The following ARPP21 variants were observed in gnomAD, a reference collection of about 807,000 sequenced individuals.
ARPP21 encodes cAMP-regulated phosphoprotein 21.
A neutral mutation model predicts 113.2 loss-of-function variants in ARPP21; 69 were observed. The ratio of observed to expected loss-of-function variants is 0.61; its 90% CI spans 0.50 to 0.74. The LOEUF (loss-of-function observed/expected upper bound fraction) is 0.74. Ranked by LOEUF, ARPP21 falls within the 30% of genes least tolerant of loss-of-function variation. The pLI, the probability that ARPP21 is intolerant of heterozygous loss-of-function variation, is 0.00. For missense variants in ARPP21, 1,070 were observed against 1,037.4 expected, an observed-to-expected ratio of 1.03 and a Z score of -0.43; for synonymous variants, 368 against 375.5, an observed-to-expected ratio of 0.98 and a Z score of 0.23.
Position 35,715,303 on chromosome 3 carries a change from A to C in ARPP21, c.898-136A>C, listed in dbSNP as rs1346114104. The C allele has an allele frequency of 7.3e-6, 5 of 687,428 alleles. No homozygotes were observed. In the Admixed American group the frequency reaches 1.3e-4, roughly 18 times the overall value. 42.6% of individuals were successfully genotyped at this position (687,428 alleles called of 1,614,324 possible). A position where few individuals can be genotyped will look rare whatever the true frequency, so the allele number is the denominator to read the frequency against. On this transcript the variant is annotated intron_variant, in intron 11 of 20. Transcript: ENST00000684406. ...TCCTAACCAACCTTTTTCCTTTTTT[A>C]TTTCTATCTTTTGTACCTATTTTTC...
intron 19 of ARPP21, among the ~76,000 whole-genome samples, chr3:35,786,940 G>C (rs1047919168): frequency 1.3e-5 from 2 of 152,126 alleles, no homozygotes; most frequent in African/African-American, 4.8e-5. Context: ...CAAGCTGTGT[G>C]TCTGTTTTCT....
chr3:35,653,210 T>C (rs939671493), intron 1 of ARPP21, among the ~76,000 whole-genome samples: 2 of 152,102 alleles, frequency 1.3e-5, no homozygotes, highest in Non-Finnish European at 2.9e-5. Flanking sequence ...TTTTTGGCTG[T>C]AGTCATAGCA....
At chr3:35,708,065 C>T (rs574679857) in intron 10 of ARPP21, among the ~76,000 whole-genome samples, 12 of 152,108 alleles carry the variant, frequency 7.9e-5, no homozygotes, top group African/African-American at 2.4e-4. Context: ...GCATCTCTGA[C>T]GCACTTTTTA....
In ARPP21 at chr3:35,793,742, A is replaced by G. The variant is rs750957561; in HGVS notation, c.2328A>G (p.Ser776=). The G allele has an allele frequency of 6.2e-7, 1 of 1,613,758 alleles. No homozygotes were observed. The highest frequency in any genetic ancestry group is 1.1e-5 in the South Asian group (1 of 91,082). ...GTTCTCAAGGACTGCCCCAGCAGTC[A>G]TACCAACAGCCAATCATGCTACCTA... ...TQGSQGLPQQ[S]YQQPIMLPNQ... The change falls in exon 21 of 21, where the codon TCA becomes TCG. Residue 776 remains serine, a synonymous_variant. Coordinates refer to ENST00000684406, the MANE Select transcript of ARPP21 (RefSeq NM_001385562.1).
intron 1 of ARPP21, among the ~76,000 whole-genome samples, chr3:35,651,528 T>A (rs1428768560): frequency 6.6e-6 from 1 of 151,996 alleles, no homozygotes; most frequent in South Asian, 2.1e-4. Context: ...CCAACAGGAG[T>A]GAAATTTTTA....
intron 1 of ARPP21, among the ~76,000 whole-genome samples, chr3:35,667,890 A>T (rs1275799718): frequency 7.8e-6 from 1 of 128,784 alleles, no homozygotes. Flanking sequence ...GAAGAAGAAG[A>T]GGAAGAGGAA....
At chr3:35,680,368 T>C (rs940930364) in intron 2 of ARPP21, among the ~76,000 whole-genome samples, 3 of 151,956 alleles carry the variant, frequency 2.0e-5, no homozygotes, top group Non-Finnish European at 4.4e-5. Flanking sequence ...CTAGTCACTT[T>C]ACAGACTCAA....
intron 1 of ARPP21, among the ~76,000 whole-genome samples, chr3:35,657,377 T>G (rs1333407663): frequency 6.6e-6 from 1 of 152,092 alleles, no homozygotes; most frequent in Admixed American, 6.6e-5. Flanking sequence ...AGATCAGGTC[T>G]CCAGAAGAAT....
intron 6 of ARPP21, 152 bp from the exon 7 acceptor site, chr3:35,689,155 C>A: frequency 1.6e-6 from 1 of 642,978 alleles, no homozygotes; most frequent in Non-Finnish European, 2.8e-6. Flanking sequence ...TGTTATATTG[C>A]CAGATTGCTA....
At chr3:35,731,558 A>AT (rs1478122912) in intron 15 of ARPP21, among the ~76,000 whole-genome samples, 30 of 152,152 alleles carry the variant, frequency 2.0e-4, no homozygotes, top group Non-Finnish European at 2.9e-4. Context: ...GAATATATTT[A>AT]TTTTGTAAAT....
chr3:35,775,094 A>G (rs1279200710), intron 19 of ARPP21: 1 of 152,162 alleles, frequency 6.6e-6, no homozygotes, highest in Non-Finnish European at 1.5e-5. Flanking sequence ...CTCCCCAAAG[A>G]AAGAATTTTG....
At chr3:35,708,715 G>A (rs1177351700) in intron 10 of ARPP21, among the ~76,000 whole-genome samples, 5 of 152,292 alleles carry the variant, frequency 3.3e-5, no homozygotes, top group African/African-American at 9.6e-5. Flanking sequence ...AGGTGCACTC[G>A]TTTTGGAAAC....
chr3:35,763,163 G>T (rs1157830044), intron 19 of ARPP21, among the ~76,000 whole-genome samples: 2 of 152,092 alleles, frequency 1.3e-5, no homozygotes, highest in Non-Finnish European at 2.9e-5. Context: ...CTAGGGTTGA[G>T]AAAAATCCTT....
At chr3:35,779,682 T>G (rs2096476910) in intron 19 of ARPP21, among the ~76,000 whole-genome samples, 1 of 152,174 alleles carries the variant, frequency 6.6e-6, no homozygotes, top group Admixed American at 6.5e-5. Flanking sequence ...TTGCTTTTCT[T>G]TTAGGTAAAC....
rs1219439107 is a variant in ARPP21 at position 35,690,832 on chromosome 3, G to T, written c.546-33G>T. 4.4e-6 allele frequency: 7 copies of T among 1,574,648 alleles called. No homozygotes were observed. In the South Asian group the frequency reaches 4.7e-5, roughly 11 times the overall value. The stretch of plus-strand genomic sequence containing the variant: ...GGTATTATGGGCAAAAAATGAAAAT[G>T]CTGATTCCACTTTTTCTTGAATTAT... On this transcript the variant is annotated intron_variant, in intron 8 of 20. Transcript: ENST00000684406.
chr3:35,684,269 T>C, intron 5 of ARPP21: 1 of 1,186,554 alleles, frequency 8.4e-7, no homozygotes, highest in Non-Finnish European at 1.1e-6. Flanking sequence ...GTGAATAAGG[T>C]GCATTTAACT....
chr3:35,762,734 G>T (rs1426466993), intron 19 of ARPP21, among the ~76,000 whole-genome samples: 1 of 152,082 alleles, frequency 6.6e-6, no homozygotes, highest in Non-Finnish European at 1.5e-5. Flanking sequence ...GTTCTAAGAC[G>T]ATGGTTCCAA....
At chr3:35,732,983 A>T (rs557932955) in intron 15 of ARPP21, among the ~76,000 whole-genome samples, 2 of 152,142 alleles carry the variant, frequency 1.3e-5, no homozygotes, top group Admixed American at 6.5e-5. Context: ...TAGCTCCCTT[A>T]TAATTTAACT....
intron 1 of ARPP21, among the ~76,000 whole-genome samples, chr3:35,661,835 A>G (rs750668341): frequency 6.6e-6 from 1 of 152,154 alleles, no homozygotes; most frequent in Non-Finnish European, 1.5e-5. Flanking sequence ...AGACAGTGAC[A>G]TACCTGTTTC....
Sources: gnomAD v4.1 joint callset for allele counts (sites outside exome capture counted in the v4.1 genomes callset) on GRCh38, gnomAD v4.1.1 for gene constraint, MANE v1.5 for transcripts, NCBI Gene and HGNC (gene_info 2026-07-23, HGNC 2026-07-21) for gene names.